The following KALRN variants were observed in gnomAD, a reference collection of about 807,000 sequenced individuals.
KALRN encodes the protein kalirin RhoGEF kinase, also known as kalirin.
Under a neutral mutation model 353.7 loss-of-function variants are expected in KALRN, and 70 were observed. The observed-to-expected ratio is 0.20, with a 90% CI of 0.16 to 0.24. The LOEUF (loss-of-function observed/expected upper bound fraction) is 0.24. Among genes scored for constraint, KALRN ranks in the 10% least tolerant of loss-of-function variants. The probability of loss-of-function intolerance (pLI) is 1.00; values close to 1 mark genes in which losing one functional copy is unlikely to be tolerated. For synonymous variants in KALRN, 1,391 were observed against 1,434.8 expected (o/e 0.97, Z 0.69); for missense variants, 2,791 against 3,756.7 (o/e 0.74, Z 6.72).
At chr3:124,643,574 T>C (rs776400437) in intron 37 of KALRN, among the ~76,000 whole-genome samples, 1 of 152,210 alleles carries the variant, frequency 6.6e-6, no homozygotes, top group Non-Finnish European at 1.5e-5. Context: ...TTTGATCTCC[T>C]GGGCTCAAGC....
intron 34 of KALRN, chr3:124,584,710 G>A (rs1484125963): frequency 6.8e-7 from 1 of 1,479,960 alleles, no homozygotes; most frequent in Non-Finnish European, 8.9e-7. Flanking sequence ...GAGCACAGCG[G>A]GGAGGGCGGG....
At chr3:124,280,688 AC>A (rs2075260157) in intron 5 of KALRN, among the ~76,000 whole-genome samples, 2 of 152,174 alleles carry the variant, frequency 1.3e-5, no homozygotes, top group Non-Finnish European at 2.9e-5. Context: ...GAGTTTGCCC[AC>A]CCAGAGAATG....
chr3:124,281,256 C>T (rs1245826567), intron 5 of KALRN, among the ~76,000 whole-genome samples: 1 of 152,144 alleles, frequency 6.6e-6, no homozygotes, highest in Non-Finnish European at 1.5e-5. Flanking sequence ...GGAACAACTG[C>T]TGATGTGGTG....
In KALRN at chr3:124,326,139, A is replaced by G. The variant is rs747328303; in HGVS notation, c.1252A>G (p.Met418Val). 1 of 1,613,032 alleles carries G rather than the reference A, an allele frequency of 6.2e-7. No individual in the cohort carries two copies. Among genetic ancestry groups the G allele is most frequent in the Non-Finnish European group, 8.5e-7 (1 of 1,179,498 alleles). ...GGATGAACGCAGCACCATCCTCGCC[A>G]TGTCTGCTGTGTTCCACCAGAAGGC... is the stretch of plus-strand genomic sequence containing the variant. ...ALDERSTILA[M>V]SAVFHQKAEQ... is the part of the protein sequence containing the mutation. The change falls in exon 7 of 60, where the codon ATG becomes GTG. Residue 418 changes from methionine (M) to valine (V), a missense_variant. Transcript: ENST00000682506.
At chr3:124,416,230 T>A (rs1560867273) in intron 14 of KALRN, among the ~76,000 whole-genome samples, 1 of 152,108 alleles carries the variant, frequency 6.6e-6, no homozygotes, top group Non-Finnish European at 1.5e-5. Flanking sequence ...ACTACCGGGG[T>A]GCTGATGTGA....
intron 33 of KALRN, among the ~76,000 whole-genome samples, chr3:124,536,063 G>A (rs2109241966): frequency 6.6e-6 from 1 of 152,250 alleles, no homozygotes; most frequent in East Asian, 1.9e-4. Flanking sequence ...TAGCTGCAAG[G>A]GAACCAGGGA....
intron 34 of KALRN, among the ~76,000 whole-genome samples, chr3:124,598,901 G>C (rs2076525891): frequency 6.6e-6 from 1 of 152,154 alleles, no homozygotes; most frequent in African/African-American, 2.4e-5. Flanking sequence ...GTCTGGAACA[G>C]CTGGGCTCAA....
rs187320420 is a variant in KALRN, at chr3:124,126,512, C to T, written c.73+92699C>T. The stretch of plus-strand genomic sequence containing the variant: ...CAGGACATCCCCTGGCCACTCTTCT[C>T]CTTTGGGGTGATTTGCCTCCATGTT... On this transcript the variant is annotated intron_variant, in intron 1 of 59. Coordinates refer to ENST00000682506, the MANE Select transcript of KALRN (RefSeq NM_001388419.1). 7.7e-3 allele frequency among the ~76,000 whole-genome samples: 1,166 copies of T among 152,260 alleles called. 11 individuals are homozygous for T. The highest frequency in any genetic ancestry group is 9.9e-3 in the Non-Finnish European group (675 of 68,032).
intron 34 of KALRN, among the ~76,000 whole-genome samples, chr3:124,579,436 G>A (rs1045326416): frequency 1.2e-4 from 18 of 152,370 alleles, no homozygotes; most frequent in Admixed American, 1.2e-3. Context: ...TAGTTGAAAA[G>A]TAAGACTACT....
Position 124,662,026 on chromosome 3 carries a change from T to C in KALRN, c.6345+98T>C, listed in dbSNP as rs138046013. On this transcript the variant is annotated intron_variant, in intron 45 of 59. Coordinates refer to ENST00000682506, the MANE Select transcript of KALRN (RefSeq NM_001388419.1). The stretch of plus-strand genomic sequence containing the variant: ...CCCCTGAAGCCTTGTGTCCTGCCTG[T>C]GCCTCCTTCACTCACCACTATGCCT... 2.7e-4 allele frequency: 256 copies of C among 947,434 alleles called. 1 individual carries two copies. In the African/African-American group the frequency reaches 4.0e-3, roughly 15 times the overall value. 58.7% of individuals were successfully genotyped at this position (947,434 alleles called of 1,614,324 possible). A position where few individuals can be genotyped will look rare whatever the true frequency, so the allele number is the denominator to read the frequency against.
chr3:124,368,428 G>A (rs1439976923), intron 10 of KALRN, among the ~76,000 whole-genome samples: 5 of 148,906 alleles, frequency 3.4e-5, no homozygotes, highest in South Asian at 2.2e-4. Context: ...CAGATGGGGC[G>A]GCGGGGCAGA....
chr3:124,298,059 G>C (rs1453170799), intron 5 of KALRN, among the ~76,000 whole-genome samples: 1 of 152,208 alleles, frequency 6.6e-6, no homozygotes, highest in Non-Finnish European at 1.5e-5. Flanking sequence ...GTCATGCACT[G>C]TTTGGCTTAG....
intron 1 of KALRN, among the ~76,000 whole-genome samples, chr3:124,124,084 CATAG>C (rs941289774): frequency 1.3e-4 from 20 of 152,172 alleles, no homozygotes; most frequent in African/African-American, 4.8e-4. Flanking sequence ...CTATTGCTGC[CATAG>C]ATAGTGATTC....
chr3:124,107,807 G>C (rs1414772093), intron 1 of KALRN, among the ~76,000 whole-genome samples: 2 of 152,180 alleles, frequency 1.3e-5, no homozygotes, highest in Non-Finnish European at 2.9e-5. Flanking sequence ...ATGGAAGGAG[G>C]TAGGGAATGT....
At chr3:124,669,576 T>C (rs369782599) in intron 47 of KALRN, among the ~76,000 whole-genome samples, 1 of 152,262 alleles carries the variant, frequency 6.6e-6, no homozygotes. Flanking sequence ...TTTATAACTC[T>C]GCTATGTACT....
intron 33 of KALRN, among the ~76,000 whole-genome samples, chr3:124,546,366 A>T (rs1162974595): frequency 6.6e-6 from 1 of 151,636 alleles, no homozygotes; most frequent in African/African-American, 2.4e-5. Flanking sequence ...TGGGAGGCTG[A>T]GCTGGGGGGA....
intron 27 of KALRN, among the ~76,000 whole-genome samples, chr3:124,479,802 C>T (rs111326983): frequency 4.2e-5 from 6 of 144,532 alleles, no homozygotes; most frequent in Admixed American, 7.3e-5. Flanking sequence ...CGGCTCACTG[C>T]AAGCTCCGCC....
At chr3:124,709,997 C>G (rs920633057) in intron 57 of KALRN, among the ~76,000 whole-genome samples, 1 of 152,186 alleles carries the variant, frequency 6.6e-6, no homozygotes, top group Admixed American at 6.5e-5. Flanking sequence ...TTACCAGCAA[C>G]AATAGAAGTT....
chr3:124,210,937 G>A (rs1156817407), intron 1 of KALRN, among the ~76,000 whole-genome samples: 3 of 152,176 alleles, frequency 2.0e-5, no homozygotes, highest in Non-Finnish European at 1.5e-5. Context: ...GAACTATAAT[G>A]TTCTCACCTT....
Sources: allele counts gnomAD v4.1 joint callset (sites outside exome capture counted in the v4.1 genomes callset), GRCh38; gene constraint gnomAD v4.1.1; transcripts MANE v1.5; gene names NCBI Gene and HGNC (gene_info 2026-07-23, HGNC 2026-07-21).